ATXN7: variants seen among roughly 807,000 people sequenced by gnomAD.
ATXN7 encodes ataxin-7.
A neutral mutation model predicts 70.5 loss-of-function variants in ATXN7; 12 were observed. The observed-to-expected ratio is 0.17, with a 90% CI of 0.11 to 0.28. The LOEUF (loss-of-function observed/expected upper bound fraction) is 0.28. Among genes scored for constraint, ATXN7 ranks in the 10% least tolerant of loss-of-function variants. ATXN7 has a pLI of 1.00. For missense variants in ATXN7, 1,256 were observed against 1,131.7 expected (o/e 1.11, Z -1.58); for synonymous variants, 498 against 448.7 (o/e 1.11, Z -1.39).
At chr3:63,890,085 A>G (rs965838726) in intron 1 of ATXN7, among the ~76,000 whole-genome samples, 3 of 152,202 alleles carry the variant, frequency 2.0e-5, no homozygotes, top group Non-Finnish European at 4.4e-5. Flanking sequence ...TCATTCATGC[A>G]TGTAACTGCA....
chr3:63,981,274 T>TA (rs1196786113), intron 6 of ATXN7, among the ~76,000 whole-genome samples: 1 of 152,214 alleles, frequency 6.6e-6, no homozygotes, highest in African/African-American at 2.4e-5. Flanking sequence ...CCCCTGTTCT[T>TA]CTGTCAGAAG....
chr3:63,990,977 C>G (rs1462954185), intron 11 of ATXN7, 118 bp downstream of exon 11: 2 of 1,481,356 alleles, frequency 1.4e-6, no homozygotes, highest in Middle Eastern at 1.8e-4. Context: ...TGGCCTTTGG[C>G]CCTGAGAAGA....
chr3:63,944,644 G>A (rs536888763), intron 4 of ATXN7, among the ~76,000 whole-genome samples: 63 of 152,280 alleles, frequency 4.1e-4, no homozygotes, highest in Non-Finnish European at 6.0e-4. Context: ...ACCTCAGAAA[G>A]CAAAACCATG....
chr3:63,941,261 T>C (rs1434908853), intron 4 of ATXN7, among the ~76,000 whole-genome samples: 1 of 151,794 alleles, frequency 6.6e-6, no homozygotes, highest in Non-Finnish European at 1.5e-5. Context: ...CTCTGGGCAG[T>C]GGACCAGCAC....
At chr3:63,912,529 G>A in intron 2 of ATXN7, 59 bp from the exon 3 acceptor site, 1 of 1,050,864 alleles carries the variant, frequency 9.5e-7, no homozygotes, top group South Asian at 2.4e-5. Context: ...ACTCCCTGGC[G>A]CCTCCTTAAA....
At chr3:63,997,932 A>G (rs1202564798) in intron 12 of ATXN7, 1 of 985,388 alleles carries the variant, frequency 1.0e-6, no homozygotes, top group East Asian at 1.1e-4. Flanking sequence ...CATTCTGATC[A>G]TGGGATTCCT....
intron 4 of ATXN7, among the ~76,000 whole-genome samples, chr3:63,948,067 A>C (rs947022893): frequency 6.6e-6 from 1 of 152,158 alleles, no homozygotes; most frequent in Non-Finnish European, 1.5e-5. Flanking sequence ...GGAATTTTAA[A>C]GAATCACTCT....
chr3:63,865,894 CAA>C (rs34205947), intron 1 of ATXN7, among the ~76,000 whole-genome samples: 64 of 16,534 alleles, frequency 3.9e-3, no homozygotes, highest in African/African-American at 0.01. Flanking sequence ...GACTCCATCT[CAA>C]AAAAAAAAAA....
chr3:63,942,090 A>G (rs1041427443), intron 4 of ATXN7, among the ~76,000 whole-genome samples: 1 of 152,202 alleles, frequency 6.6e-6, no homozygotes, highest in Non-Finnish European at 1.5e-5. Flanking sequence ...CAGACAGTAC[A>G]GAGGTACCCG....
chr3:63,909,818 C>T (rs116244569), intron 2 of ATXN7, among the ~76,000 whole-genome samples: 3,701 of 152,240 alleles, frequency 0.024, 144 homozygotes, highest in African/African-American at 0.083. Context: ...CCGTCAATCT[C>T]TTGTCTGCAC....
intron 5 of ATXN7, among the ~76,000 whole-genome samples, chr3:63,964,101 C>CAT (rs1190271106): frequency 6.6e-6 from 1 of 151,234 alleles, no homozygotes; most frequent in Non-Finnish European, 1.5e-5. Flanking sequence ...CACACACACA[C>CAT]ACACACACGT....
chr3:63,973,254 A>T (rs115695018), intron 5 of ATXN7, among the ~76,000 whole-genome samples: 1 of 152,116 alleles, frequency 6.6e-6, no homozygotes, highest in East Asian at 1.9e-4. Flanking sequence ...CTGATTACTC[A>T]ACCCATACAT....
intron 5 of ATXN7, chr3:63,967,751 G>C (rs1388387585): frequency 7.1e-7 from 1 of 1,414,650 alleles, no homozygotes; most frequent in Non-Finnish European, 9.2e-7. Flanking sequence ...CCTGTTTTCT[G>C]TTGATCTGCC....
intron 8 of ATXN7, among the ~76,000 whole-genome samples, chr3:63,986,016 GA>G (rs1259623684): frequency 6.6e-6 from 1 of 152,226 alleles, no homozygotes; most frequent in African/African-American, 2.4e-5. Flanking sequence ...CTGCAAAAAT[GA>G]AGTTTTTCCA....
chr3:63,988,473 A>G, intron 9 of ATXN7, 149 bp downstream of exon 9: 1 of 1,143,708 alleles, frequency 8.7e-7, no homozygotes, highest in Non-Finnish European at 1.2e-6. Flanking sequence ...GAAAAAAAAA[A>G]AGGAAAGGTT....
At chr3:63,971,694 C>T (rs1476675200) in intron 5 of ATXN7, among the ~76,000 whole-genome samples, 2 of 151,938 alleles carry the variant, frequency 1.3e-5, no homozygotes, top group African/African-American at 4.8e-5. Context: ...TAAAAAACTC[C>T]TACATCAAAT....
At chr3:63,882,837 G>C (rs1702957154) in intron 1 of ATXN7, among the ~76,000 whole-genome samples, 2 of 152,164 alleles carry the variant, frequency 1.3e-5, no homozygotes, top group Non-Finnish European at 2.9e-5. Context: ...AGGCAGTTTT[G>C]GTGTTTCCTA....
At chr3:63,865,739 CA>C (rs1702398445) in intron 1 of ATXN7, among the ~76,000 whole-genome samples, 1 of 150,294 alleles carries the variant, frequency 6.7e-6, no homozygotes, top group East Asian at 2.0e-4. Flanking sequence ...AAAAAAAATA[CA>C]AAAAATTAGC....
At chr3:63,970,110 A>G (rs2075286944) in intron 5 of ATXN7, among the ~76,000 whole-genome samples, 1 of 152,202 alleles carries the variant, frequency 6.6e-6, no homozygotes, top group East Asian at 1.9e-4. Flanking sequence ...TAGAAGTGTC[A>G]GCCAGCATGT....
Sources: allele counts gnomAD v4.1 joint callset (sites outside exome capture counted in the v4.1 genomes callset), GRCh38; gene constraint gnomAD v4.1.1; transcripts MANE v1.5; gene names NCBI Gene and HGNC (gene_info 2026-07-23, HGNC 2026-07-21).